Variants in AVL9 observed in about 807,000 individuals in gnomAD.
AVL9 encodes the protein AVL9 cell migration associated.
AVL9 carries 49 observed loss-of-function variants against 79.2 expected under a neutral mutation model. The observed-to-expected ratio is 0.62, with a 90% CI of 0.49 to 0.79. AVL9 has a LOEUF of 0.79. AVL9 is among the 30% of genes least tolerant of loss of function. AVL9 has a pLI of 0.00. For synonymous variants in AVL9, 299 were observed against 280.6 expected (o/e 1.07, Z -0.65); for missense variants, 682 against 776.8 (o/e 0.88, Z 1.45).
At chr7:32,504,011 C>G (rs755221396) in intron 1 of AVL9, among the ~76,000 whole-genome samples, 8 of 152,230 alleles carry the variant, frequency 5.3e-5, no homozygotes, top group Admixed American at 3.3e-4. Context: ...AAACCCACGT[C>G]TGCCCCGTGG....
chr7:32,555,601 C>CTGA (rs1383849227), intron 8 of AVL9, among the ~76,000 whole-genome samples: 1 of 152,202 alleles, frequency 6.6e-6, no homozygotes. Flanking sequence ...TTTATGGCTG[C>CTGA]TTTCACACTG....
chr7:32,513,986 C>T (rs1365122661), intron 1 of AVL9, among the ~76,000 whole-genome samples: 1 of 152,202 alleles, frequency 6.6e-6, no homozygotes, highest in Non-Finnish European at 1.5e-5. Context: ...AGTAACAGAG[C>T]AGTATTGCCA....
chr7:32,495,840 G>C (rs1341545454), intron 1 of AVL9, 38 bp downstream of exon 1: 54 of 1,243,084 alleles, frequency 4.3e-5, no homozygotes, highest in Non-Finnish European at 5.4e-5. Context: ...AGCCGTTCGG[G>C]CGTTCGCCCC....
intron 1 of AVL9, among the ~76,000 whole-genome samples, chr7:32,542,355 C>T (rs1176996771): frequency 7.4e-6 from 1 of 134,520 alleles, no homozygotes; most frequent in Non-Finnish European, 1.5e-5. Flanking sequence ...GCCTGGCCAA[C>T]GTGGTGAAAC....
chr7:32,511,359 A>G (rs1328007170), intron 1 of AVL9, among the ~76,000 whole-genome samples: 45 of 150,528 alleles, frequency 3.0e-4, no homozygotes, highest in Non-Finnish European at 4.4e-5. Context: ...GGCACTTCTG[A>G]ACTGCCCCAG....
At chr7:32,513,609 G>A (rs970988300) in intron 1 of AVL9, among the ~76,000 whole-genome samples, 8 of 152,186 alleles carry the variant, frequency 5.3e-5, no homozygotes, top group Non-Finnish European at 7.3e-5. Flanking sequence ...TGGATGTATT[G>A]AAGGGGGCCT....
rs1256523012 is a variant in AVL9, at chr7:32,585,153, C to CACTT, written c.*1248_*1251dup. On this transcript the variant is annotated 3_prime_UTR_variant, in exon 16 of 16. Coordinates refer to ENST00000318709, the MANE Select transcript of AVL9 (RefSeq NM_015060.3). ...GTCTTATTCATAAAGCTTTTCAAAGCACTTAGTCTTCTACTTCCCTAACTG... is the reference window on the plus strand; with the variant it reads ...GTCTTATTCATAAAGCTTTTCAAAGCACTTACTTAGTCTTCTACTTCCCTAACTG... 2.0e-5 allele frequency: 3 copies of CACTT among 152,198 alleles called. No homozygotes were observed. The highest frequency in any genetic ancestry group is 7.2e-5 in the African/African-American group (3 of 41,446). 9.4% of individuals were successfully genotyped at this position (152,198 alleles called of 1,614,324 possible). A position where few individuals can be genotyped will look rare whatever the true frequency, so the allele number is the denominator to read the frequency against.
At position 32,569,364 on chromosome 7, in the gene AVL9, C is replaced by G. The variant is rs183468594; in HGVS notation, c.1216-656C>G. Among the ~76,000 whole-genome samples the G allele has an allele frequency of 7.8e-3, 1,116 of 143,586 alleles. 10 individuals are homozygous for G. The highest frequency in any genetic ancestry group is 0.029 in the African/African-American group (1,048 of 36,660). The allele number at this position is 143,586 out of a possible 152,430, so 94.2% of individuals were successfully genotyped here. A position where few individuals can be genotyped will look rare whatever the true frequency, so the allele number is the denominator to read the frequency against. On this transcript the variant is annotated intron_variant, in intron 10 of 15. Coordinates refer to ENST00000318709, the MANE Select transcript of AVL9 (RefSeq NM_015060.3). Reference sequence around the variant, plus strand: ...AACACTTGTACTCTCAGGAAGTATGCTGGATTTTTTCTATACTTAGATGCC... The same window carrying G: ...AACACTTGTACTCTCAGGAAGTATGGTGGATTTTTTCTATACTTAGATGCC...
intron 4 of AVL9, among the ~76,000 whole-genome samples, chr7:32,549,150 A>G (rs566665541): frequency 6.6e-6 from 1 of 151,946 alleles, no homozygotes; most frequent in Non-Finnish European, 1.5e-5. Flanking sequence ...ACACATAAAC[A>G]AAATGAGGTA....
Position 32,559,189 on chromosome 7 carries a change from C to A in AVL9, c.940C>A (p.Gln314Lys), listed in dbSNP as rs1441631344. 7 of 1,614,058 alleles carry A rather than the reference C, an allele frequency of 4.3e-6. No homozygotes were observed. The highest frequency in any genetic ancestry group is 5.9e-6 in the Non-Finnish European group (7 of 1,180,036). The change falls in exon 10 of 16, where the codon CAA becomes AAA. Residue 314 changes from glutamine (Q) to lysine (K), a missense_variant. Gln to Lys is a moderately conservative substitution (Grantham distance 53). Coordinates refer to ENST00000318709, the MANE Select transcript of AVL9 (RefSeq NM_015060.3). Reference protein sequence around the residue: ...SKGQEPNDTNQYLKPPSRPSP... With the variant: ...SKGQEPNDTNKYLKPPSRPSP... ...AGGGCAGGAACCCAATGATACCAAT[C>A]AATATTTGAAACCTCCATCTCGCCC...
chr7:32,576,508 G>A (rs1261329546), intron 13 of AVL9, among the ~76,000 whole-genome samples: 1 of 152,204 alleles, frequency 6.6e-6, no homozygotes, highest in Non-Finnish European at 1.5e-5. Flanking sequence ...GTTAATATCT[G>A]AAGCTGGGCT....
At chr7:32,501,846 T>G (rs1164961600) in intron 1 of AVL9, among the ~76,000 whole-genome samples, 3 of 152,158 alleles carry the variant, frequency 2.0e-5, no homozygotes, top group Admixed American at 6.5e-5. Context: ...AAGGGAAGAC[T>G]GCAGAAGGGC....
In AVL9 at chr7:32,579,485, A is replaced by T. The variant is rs5008297; in HGVS notation, c.1689-734A>T. ...ATATATAATATATTATATTATATAT[A>T]ATATATTACATATTATATATTATAT... On this transcript the variant is annotated intron_variant, in intron 13 of 15. Coordinates refer to ENST00000318709, the MANE Select transcript of AVL9 (RefSeq NM_015060.3). Among the ~76,000 whole-genome samples the T allele has an allele frequency of 2.6e-3, 4 of 1,546 alleles. 1 individual carries two copies. Among genetic ancestry groups the T allele is most frequent in the Non-Finnish European group, 3.9e-3 (4 of 1,030 alleles). 1.0% of individuals were successfully genotyped at this position (1,546 alleles called of 152,430 possible).
chr7:32,500,877 T>G (rs1464170238), intron 1 of AVL9, among the ~76,000 whole-genome samples: 1 of 152,228 alleles, frequency 6.6e-6, no homozygotes, highest in East Asian at 1.9e-4. Flanking sequence ...TTTTCCCCAT[T>G]GCTTATTTTG....
intron 1 of AVL9, among the ~76,000 whole-genome samples, chr7:32,524,590 T>TAGATATAATTATATCTAAACTA (rs150041193): frequency 6.6e-6 from 1 of 151,616 alleles, no homozygotes; most frequent in African/African-American, 2.4e-5. Context: ...TATATCTAAC[T>TAGATATAATTATATCTAAACTA]GAGGGATGTT....
chr7:32,512,090 C>T (rs899510470), intron 1 of AVL9, among the ~76,000 whole-genome samples: 3 of 152,142 alleles, frequency 2.0e-5, no homozygotes, highest in African/African-American at 4.8e-5. Context: ...AGTGAGGAGG[C>T]CCCATCAATC....
Position 32,542,385 on chromosome 7 carries a change from CAAA to C in AVL9, c.94-737_94-735del, listed in dbSNP as rs567774011. Among the ~76,000 whole-genome samples the C allele has an allele frequency of 1.9e-3, 173 of 90,586 alleles. 1 individual carries two copies. The highest frequency in any genetic ancestry group is 0.013 in the East Asian group (45 of 3,362). The allele number at this position is 90,586 out of a possible 152,430, so 59.4% of individuals were successfully genotyped here. On this transcript the variant is annotated intron_variant, in intron 1 of 15. Coordinates refer to ENST00000318709, the MANE Select transcript of AVL9 (RefSeq NM_015060.3). ...TGAAACCCTGTCTCTAGTAAAAATA[CAAA>C]AAAAAAAAAAAAAAAAAATTAGCCG...
chr7:32,513,594 A>G (rs957731537), intron 1 of AVL9, among the ~76,000 whole-genome samples: 1 of 152,230 alleles, frequency 6.6e-6, no homozygotes, highest in Admixed American at 6.5e-5. Context: ...ATCTTAATGT[A>G]TTGGTGGATG....
At chr7:32,511,185 G>T (rs929833606) in intron 1 of AVL9, among the ~76,000 whole-genome samples, 1 of 148,092 alleles carries the variant, frequency 6.8e-6, no homozygotes, top group African/African-American at 2.5e-5. Flanking sequence ...AACTGCCCCA[G>T]TATGAGGGAA....
Sources: gnomAD v4.1 joint callset for allele counts (sites outside exome capture counted in the v4.1 genomes callset) on GRCh38, gnomAD v4.1.1 for gene constraint, MANE v1.5 for transcripts, NCBI Gene and HGNC (gene_info 2026-07-23, HGNC 2026-07-21) for gene names.